Variants in KLKB1 observed in about 807,000 individuals in gnomAD.
The protein encoded by KLKB1 is kallikrein B1.
A neutral mutation model predicts 73.6 loss-of-function variants in KLKB1; 58 were observed. That is an observed-to-expected ratio of 0.79 (90% CI 0.64 to 0.98). KLKB1 has a LOEUF of 0.98. Among genes scored for constraint, KLKB1 ranks in the 50% least tolerant of loss-of-function variants. The pLI is 0.00. For synonymous variants in KLKB1, 280 were observed against 258.1 expected (o/e 1.08, Z -0.81); for missense variants, 737 against 763.8 (o/e 0.96, Z 0.41).
At chr4:186,233,590 T>C (rs1218811591) in intron 3 of KLKB1, among the ~76,000 whole-genome samples, 1 of 152,228 alleles carries the variant, frequency 6.6e-6, no homozygotes, top group Non-Finnish European at 1.5e-5. Flanking sequence ...GAACACGATA[T>C]ACAAATCCAG....
At chr4:186,243,030 C>G (rs955159571) in intron 6 of KLKB1, among the ~76,000 whole-genome samples, 1 of 151,864 alleles carries the variant, frequency 6.6e-6, no homozygotes, top group African/African-American at 2.4e-5. Flanking sequence ...TGGGAAAGGC[C>G]TCTACCCATC....
At chr4:186,239,562 G>T (rs1468476846) in intron 6 of KLKB1, among the ~76,000 whole-genome samples, 1 of 144,556 alleles carries the variant, frequency 6.9e-6, no homozygotes. Flanking sequence ...GATACTGTTA[G>T]AGTTATAGGT....
At chr4:186,211,282 C>T (rs1301950747) in intron 2 of KLKB1, 1 of 152,108 alleles carries the variant, frequency 6.6e-6, no homozygotes, top group Admixed American at 6.5e-5. Flanking sequence ...AATTGATAGA[C>T]CCAAAAAATA....
intron 6 of KLKB1, among the ~76,000 whole-genome samples, chr4:186,240,361 A>G (rs542789106): frequency 1.6e-4 from 25 of 152,224 alleles, no homozygotes; most frequent in Middle Eastern, 3.4e-3. Context: ...TAATAGTTAT[A>G]GGACAGTGAT....
At chr4:186,250,760 C>T (rs1159221357) in intron 7 of KLKB1, among the ~76,000 whole-genome samples, 1 of 152,136 alleles carries the variant, frequency 6.6e-6, no homozygotes, top group Non-Finnish European at 1.5e-5. Flanking sequence ...AGCCCTTAAG[C>T]TTGTTGCCTC....
chr4:186,256,191 TC>T, intron 13 of KLKB1, 104 bp downstream of exon 13: 1 of 734,514 alleles, frequency 1.4e-6, no homozygotes, highest in Non-Finnish European at 2.5e-6. Flanking sequence ...ATATCTAAAC[TC>T]TTTATCTTTC....
intron 12 of KLKB1, among the ~76,000 whole-genome samples, chr4:186,255,243 A>G (rs1738936106): frequency 6.6e-6 from 1 of 152,206 alleles, no homozygotes; most frequent in Non-Finnish European, 1.5e-5. Flanking sequence ...CATTGCTGCC[A>G]GGAGCCGAAT....
chr4:186,252,003 C>T lies in KLKB1; in HGVS notation c.1145-14C>T, dbSNP rs369074081. ...TTCTAATTCCAACCATTAGCGTCAA[C>T]GCTCTCTTTTCAGTCTGCACAACAA... On this transcript the variant is annotated splice_polypyrimidine_tract_variant and intron_variant, in intron 10 of 14. Coordinates refer to ENST00000264690, the MANE Select transcript of KLKB1 (RefSeq NM_000892.5). 3.9e-5 allele frequency: 63 copies of T among 1,614,114 alleles called. No individual in the cohort carries two copies. Among genetic ancestry groups the T allele is most frequent in the Middle Eastern group, 1.6e-4 (1 of 6,084 alleles).
intron 2 of KLKB1, among the ~76,000 whole-genome samples, chr4:186,216,879 T>C (rs564090889): frequency 1.3e-5 from 2 of 152,318 alleles, no homozygotes; most frequent in Admixed American, 6.5e-5. Context: ...GTAATAAGAT[T>C]TGGCCCACTC....
chr4:186,254,545 A>C, intron 11 of KLKB1, 43 bp from the exon 12 acceptor site: 1 of 1,496,846 alleles, frequency 6.7e-7, no homozygotes. Flanking sequence ...TATTGAAGGA[A>C]GGACTGCCCA....
At chr4:186,225,083 G>A (rs917354343), upstream of KLKB1, among the ~76,000 whole-genome samples, 1 of 152,130 alleles carries the variant, frequency 6.6e-6, no homozygotes, top group African/African-American at 2.4e-5. Flanking sequence ...GTTTCCTGAG[G>A]CCTCCCCAGC....
In KLKB1 at chr4:186,230,320, C is replaced by T. The variant is rs374105360; in HGVS notation, c.59-1807C>T. On this transcript the variant is annotated intron_variant, in intron 2 of 14. Coordinates refer to ENST00000264690, the MANE Select transcript of KLKB1 (RefSeq NM_000892.5). ...CTATATTTGTGATTCTTCCCATTTT[C>T]ATATACTTACTAATCACTTCTATTT... is the stretch of plus-strand genomic sequence containing the variant. Among the ~76,000 whole-genome samples the T allele has an allele frequency of 1.1e-4, 17 of 152,290 alleles. No individual in the cohort carries two copies. In the East Asian group the frequency reaches 2.9e-3, roughly 26 times the overall value.
In KLKB1 at chr4:186,215,964, G is replaced by T. The variant is rs527243739; in HGVS notation, c.201+6692G>T. Reference sequence around the variant, plus strand: ...GTTTATTATTACCAAAAGCAATGCTGTTCTGGAAAGGCAAGGACTGCAGTG... The same window carrying T: ...GTTTATTATTACCAAAAGCAATGCTTTTCTGGAAAGGCAAGGACTGCAGTG... On this transcript the variant is annotated intron_variant, in intron 2 of 14. Coordinates refer to the KLKB1 transcript ENST00000511608. 2.2e-4 allele frequency among the ~76,000 whole-genome samples: 33 copies of T among 152,310 alleles called. No homozygotes were observed. In the South Asian group the frequency reaches 3.7e-3, roughly 17 times the overall value.
chr4:186,221,754 G>A (rs1455627341), upstream of KLKB1, among the ~76,000 whole-genome samples: 1 of 152,278 alleles, frequency 6.6e-6, no homozygotes, highest in East Asian at 1.9e-4. Flanking sequence ...TAAAAAGAAT[G>A]TGCATTCTGC....
intron 6 of KLKB1, among the ~76,000 whole-genome samples, chr4:186,242,931 A>G (rs767157269): frequency 7.6e-6 from 1 of 131,236 alleles, no homozygotes; most frequent in Non-Finnish European, 1.7e-5. Context: ...CCGGTCTGTT[A>G]TCGGATTGTA....
intron 2 of KLKB1, among the ~76,000 whole-genome samples, chr4:186,219,500 T>G (rs935088309): frequency 2.0e-5 from 3 of 152,212 alleles, no homozygotes; most frequent in Admixed American, 6.5e-5. Context: ...AAATCTTATG[T>G]CACATGATAA....
chr4:186,251,960 G>A (rs1738702468), intron 10 of KLKB1, 57 bp from the exon 11 acceptor site: 2 of 1,612,512 alleles, frequency 1.2e-6, no homozygotes, highest in Non-Finnish European at 1.7e-6. Context: ...TCCTTGGTTA[G>A]AAGGGACTTT....
chr4:186,256,999 CTGTG>C (rs921403950), intron 13 of KLKB1, among the ~76,000 whole-genome samples: 50 of 57,038 alleles, frequency 8.8e-4, no homozygotes, highest in East Asian at 8.3e-3. Context: ...CTCTCTCTCT[CTGTG>C]TGTGTGTGTG....
chr4:186,256,188 A>C, intron 13 of KLKB1, 101 bp downstream of exon 13: 1 of 745,930 alleles, frequency 1.3e-6, no homozygotes. Context: ...ATTATATCTA[A>C]ACTCTTTATC....
Sources: allele counts gnomAD v4.1 joint callset (sites outside exome capture counted in the v4.1 genomes callset), GRCh38; gene constraint gnomAD v4.1.1; transcripts MANE v1.5; gene names NCBI Gene and HGNC (gene_info 2026-07-23, HGNC 2026-07-21).